The following MACROD2 variants were observed in gnomAD, a reference collection of about 807,000 sequenced individuals.
The protein encoded by MACROD2 is ADP-ribose glycohydrolase MACROD2.
A neutral mutation model predicts 70.4 loss-of-function variants in MACROD2; 36 were observed. The observed-to-expected ratio is 0.51, with a 90% CI of 0.39 to 0.68. The LOEUF (loss-of-function observed/expected upper bound fraction) is 0.68. MACROD2 is among the 30% of genes least tolerant of loss of function. The pLI is 0.00. For synonymous variants in MACROD2, 172 were observed against 178.8 expected (o/e 0.96, Z 0.30); for missense variants, 496 against 538.4 (o/e 0.92, Z 0.78).
chr20:14,300,340 C>A (rs1411607673), intron 3 of MACROD2, among the ~76,000 whole-genome samples: 1 of 152,180 alleles, frequency 6.6e-6, no homozygotes, highest in Non-Finnish European at 1.5e-5. Context: ...GAAACTGAGA[C>A]CCAGAGGAGT....
chr20:15,023,275 G>C (rs2075203399), intron 5 of MACROD2, among the ~76,000 whole-genome samples: 1 of 152,166 alleles, frequency 6.6e-6, no homozygotes, highest in South Asian at 2.1e-4. Flanking sequence ...AAATACTTTT[G>C]AGTTTTAAAT....
chr20:14,222,574 C>T (rs576946291), intron 3 of MACROD2, among the ~76,000 whole-genome samples: 1 of 152,216 alleles, frequency 6.6e-6, no homozygotes. Context: ...ACCCTGATTT[C>T]ACCACTATGC....
intron 8 of MACROD2, among the ~76,000 whole-genome samples, chr20:15,784,950 C>G (rs2051896320): frequency 6.6e-6 from 1 of 151,102 alleles, no homozygotes. Flanking sequence ...AGATCGAGAC[C>G]ATCCTGGCTA....
At chr20:14,907,686 T>C (rs887470902) in intron 5 of MACROD2, among the ~76,000 whole-genome samples, 1 of 152,194 alleles carries the variant, frequency 6.6e-6, no homozygotes, top group Non-Finnish European at 1.5e-5. Context: ...TGTGCAGAAT[T>C]AAGTATGGCT....
chr20:15,448,308 T>C (rs1185125098), intron 7 of MACROD2, among the ~76,000 whole-genome samples: 4 of 152,116 alleles, frequency 2.6e-5, no homozygotes, highest in Non-Finnish European at 5.9e-5. Context: ...CCTGCAGAAC[T>C]CTTACTGCCC....
chr20:15,469,822 T>C (rs867203518), intron 7 of MACROD2, among the ~76,000 whole-genome samples: 5 of 152,290 alleles, frequency 3.3e-5, no homozygotes, highest in Middle Eastern at 3.4e-3. Flanking sequence ...ACCGACTCCA[T>C]ACCAGGCCCT....
chr20:14,165,507 T>C (rs1408584586), intron 3 of MACROD2, among the ~76,000 whole-genome samples: 1 of 152,206 alleles, frequency 6.6e-6, no homozygotes, highest in Non-Finnish European at 1.5e-5. Context: ...CTACTTGCTA[T>C]TTGGGTTCTT....
intron 4 of MACROD2, among the ~76,000 whole-genome samples, chr20:14,568,323 G>A (rs938881234): frequency 1.3e-5 from 2 of 152,052 alleles, no homozygotes; most frequent in South Asian, 4.1e-4. Context: ...ATTATTGCCC[G>A]GGTCTTTACA....
At chr20:14,492,408 T>C (rs552793429) in intron 3 of MACROD2, among the ~76,000 whole-genome samples, 24 of 152,308 alleles carry the variant, frequency 1.6e-4, no homozygotes, top group African/African-American at 5.5e-4. Flanking sequence ...ATTTTCATGA[T>C]ATTCTCTTTA....
intron 3 of MACROD2, among the ~76,000 whole-genome samples, chr20:14,393,354 T>A (rs1489985235): frequency 2.0e-5 from 3 of 152,212 alleles, no homozygotes; most frequent in Admixed American, 1.3e-4. Context: ...TTCTTTATGA[T>A]CTAACTCCAT....
chr20:14,088,567 A>G (rs1167715976), intron 3 of MACROD2, among the ~76,000 whole-genome samples: 2 of 152,262 alleles, frequency 1.3e-5, no homozygotes, highest in Middle Eastern at 3.4e-3. Flanking sequence ...AATTGATCAT[A>G]TCTACTTCCT....
intron 2 of MACROD2, among the ~76,000 whole-genome samples, chr20:14,076,937 T>C (rs180888857): frequency 1.6e-3 from 240 of 152,342 alleles, no homozygotes; most frequent in Non-Finnish European, 2.6e-3. Flanking sequence ...AATTGCTTTA[T>C]AGCCATGACT....
At chr20:14,154,472 C>T (rs1488037681) in intron 3 of MACROD2, among the ~76,000 whole-genome samples, 3 of 150,682 alleles carry the variant, frequency 2.0e-5, no homozygotes, top group Non-Finnish European at 3.0e-5. Context: ...TTGCAAGCTC[C>T]GCCTCCCGGT....
chr20:15,403,862 A>T (rs2045963046), intron 6 of MACROD2, among the ~76,000 whole-genome samples: 1 of 152,216 alleles, frequency 6.6e-6, no homozygotes, highest in Non-Finnish European at 1.5e-5. Flanking sequence ...CTATGTCTTC[A>T]ACCGTTATGG....
intron 8 of MACROD2, among the ~76,000 whole-genome samples, chr20:15,683,674 G>C (rs2050190506): frequency 6.6e-6 from 1 of 152,060 alleles, no homozygotes; most frequent in African/African-American, 2.4e-5. Flanking sequence ...CACCTCCTGG[G>C]TTCAAATGAT....
intron 15 of MACROD2, among the ~76,000 whole-genome samples, chr20:15,991,389 A>G (rs1275570269): frequency 1.3e-5 from 2 of 152,192 alleles, no homozygotes; most frequent in Admixed American, 1.3e-4. Flanking sequence ...TCCATTTCTC[A>G]TAGGATTCTT....
intron 8 of MACROD2, among the ~76,000 whole-genome samples, chr20:15,553,293 A>G (rs2048122694): frequency 6.6e-6 from 1 of 152,194 alleles, no homozygotes; most frequent in Non-Finnish European, 1.5e-5. Flanking sequence ...AATCATGTCA[A>G]TTATAATTCA....
chr20:15,197,031 A>G (rs996004863), intron 5 of MACROD2: 10 of 985,268 alleles, frequency 1.0e-5, no homozygotes, highest in African/African-American at 3.5e-5. Context: ...CAGTTTATGC[A>G]GGTGAGTATT....
chr20:14,964,052 G>GT (rs552564830), intron 5 of MACROD2, among the ~76,000 whole-genome samples: 88 of 150,576 alleles, frequency 5.8e-4, no homozygotes, highest in African/African-American at 1.1e-3. Flanking sequence ...TTTTTTCTGT[G>GT]TTTTTTTTTC....
Sources: allele counts gnomAD v4.1 joint callset (sites outside exome capture counted in the v4.1 genomes callset), GRCh38; gene constraint gnomAD v4.1.1; transcripts MANE v1.5; gene names NCBI Gene and HGNC (gene_info 2026-07-23, HGNC 2026-07-21).